The following GAB2 variants were observed in gnomAD, a reference collection of about 807,000 sequenced individuals.
GAB2 encodes the protein GRB2 associated binding protein 2.
GAB2 carries 26 observed loss-of-function variants against 65.5 expected under a neutral mutation model. The observed-to-expected ratio is 0.40, with a 90% confidence interval of 0.29 to 0.55. The LOEUF is 0.55. Ranked by LOEUF, GAB2 falls within the 20% of genes least tolerant of loss-of-function variation. The pLI is 0.53. For synonymous variants in GAB2, 321 were observed against 329.6 expected (o/e 0.97, Z 0.28); for missense variants, 884 against 875.8 (o/e 1.01, Z -0.12).
chr11:78,341,422 T>C (rs983758786), intron 1 of GAB2, among the ~76,000 whole-genome samples: 4 of 152,324 alleles, frequency 2.6e-5, no homozygotes, highest in East Asian at 1.9e-4. Flanking sequence ...TGAATAATCA[T>C]TGCCTTTAGA....
rs56709163 is a variant in GAB2, at chr11:78,322,298, C to CAAAAAAAAAAAA, written c.76-41409_76-41398dup. ...TGGCTGACAGAGGGAGACTCTGTCT[C>CAAAAAAAAAAAA]AAAAAAAAAAAAAAAAAAAAAAAAA... On this transcript the variant is annotated intron_variant, in intron 1 of 9. Transcript: ENST00000361507. 2.8e-3 allele frequency among the ~76,000 whole-genome samples: 34 copies of CAAAAAAAAAAAA among 12,076 alleles called. 5 individuals carry two copies. The highest frequency in any genetic ancestry group is 8.2e-3 in the Admixed American group (8 of 980). 7.9% of individuals were successfully genotyped at this position (12,076 alleles called of 152,430 possible). A position where few individuals can be genotyped will look rare whatever the true frequency, so the allele number is the denominator to read the frequency against.
chr11:78,307,604 T>TAGAGGGAGGGAGAGAGAGAG (rs372962811), intron 1 of GAB2, among the ~76,000 whole-genome samples: 1 of 121,884 alleles, frequency 8.2e-6, no homozygotes, highest in Non-Finnish European at 1.6e-5. Flanking sequence ...CAAAAAATGT[T>TAGAGGGAGGGAGAGAGAGAG]AGAGAGAGAG....
chr11:78,281,127 C>T (rs898659115), intron 1 of GAB2, among the ~76,000 whole-genome samples: 1 of 151,988 alleles, frequency 6.6e-6, no homozygotes, highest in African/African-American at 2.4e-5. Flanking sequence ...CTAATTAAAA[C>T]ATTTTTTTGT....
Position 78,226,557 on chromosome 11 carries a change from C to G in GAB2, c.1115G>C (p.Arg372Thr). The G allele has an allele frequency of 1.3e-6, 2 of 1,583,134 alleles. No homozygotes were observed. Among genetic ancestry groups the G allele is most frequent in the African/African-American group, 1.4e-5 (1 of 70,774 alleles). ...ETPRWGSPQQ[R>T]PPISENSRSV... ...TCTGCTATTTTCACTGATTGGCGGT[C>G]TCTGCTGAGGACTGCCCCATCGAGG... The change falls in exon 4 of 10, where the codon AGA (arginine) becomes ACA (threonine). Residue 372 changes from arginine to threonine, a missense_variant. Transcript: ENST00000361507.
At chr11:78,395,986 T>A (rs1379750371) in intron 1 of GAB2, among the ~76,000 whole-genome samples, 1 of 152,258 alleles carries the variant, frequency 6.6e-6, no homozygotes, top group Non-Finnish European at 1.5e-5. Flanking sequence ...TCAAGCATTA[T>A]CTTCTTAAAA....
At chr11:78,306,252 A>T (rs930022668) in intron 1 of GAB2, among the ~76,000 whole-genome samples, 11 of 152,106 alleles carry the variant, frequency 7.2e-5, no homozygotes, top group African/African-American at 2.7e-4. Context: ...TTTTTTTGAG[A>T]TGGAGTCTCA....
chr11:78,417,066 G>A (rs1313940854), intron 1 of GAB2, among the ~76,000 whole-genome samples: 2 of 152,200 alleles, frequency 1.3e-5, no homozygotes, highest in African/African-American at 4.8e-5. Context: ...AGGGAAAGAA[G>A]GGGGACAAAC....
Position 78,226,820 on chromosome 11 carries a change from G to A in GAB2, c.852C>T (p.Gly284=), listed in dbSNP as rs1254558594. The change falls in exon 4 of 10, where the codon GGC becomes GGT. Residue 284 remains glycine (G), a synonymous_variant. Transcript: ENST00000361507. ...ACACATCCTCATTATCTGTCTCGGA[G>A]CCTGTGAGGCTGCCCTTGGTGTGGC... ...SHGHTKGSLT[G]SETDNEDVYT... is the part of the protein sequence containing the mutation. The A allele has an allele frequency of 1.9e-6, 3 of 1,614,078 alleles. No individual in the cohort carries two copies. In the South Asian group the frequency reaches 3.3e-5, roughly 18 times the overall value.
chr11:78,399,345 G>A (rs1856941265), intron 1 of GAB2, among the ~76,000 whole-genome samples: 1 of 152,202 alleles, frequency 6.6e-6, no homozygotes. Flanking sequence ...GCTCCCTTTG[G>A]AGGATCCTGC....
At chr11:78,387,357 A>G (rs1856781137) in intron 1 of GAB2, among the ~76,000 whole-genome samples, 1 of 152,172 alleles carries the variant, frequency 6.6e-6, no homozygotes, top group Non-Finnish European at 1.5e-5. Flanking sequence ...TTTCTGAAAT[A>G]CGCATTTCTA....
At chr11:78,381,779 C>T (rs917810077) in intron 1 of GAB2, among the ~76,000 whole-genome samples, 6 of 152,122 alleles carry the variant, frequency 3.9e-5, no homozygotes, top group African/African-American at 1.4e-4. Flanking sequence ...CATATAGAGT[C>T]ACCATGAAAA....
intron 1 of GAB2, among the ~76,000 whole-genome samples, chr11:78,320,537 G>A (rs1300230427): frequency 2.0e-5 from 3 of 152,098 alleles, no homozygotes; most frequent in East Asian, 3.9e-4. Flanking sequence ...CACTCTGGCT[G>A]CTGTGTGAAA....
chr11:78,319,297 T>C (rs2134659399), intron 1 of GAB2, among the ~76,000 whole-genome samples: 1 of 152,390 alleles, frequency 6.6e-6, no homozygotes, highest in African/African-American at 2.4e-5. Flanking sequence ...TCTGAACTAT[T>C]TGTTAGTATT....
At chr11:78,335,111 GT>G (rs1384175243) in intron 1 of GAB2, among the ~76,000 whole-genome samples, 1 of 152,164 alleles carries the variant, frequency 6.6e-6, no homozygotes, top group African/African-American at 2.4e-5. Context: ...CTATAGAGTT[GT>G]TTGAACTCCT....
At chr11:78,394,750 T>TC (rs1161845808) in intron 1 of GAB2, among the ~76,000 whole-genome samples, 21 of 151,996 alleles carry the variant, frequency 1.4e-4, no homozygotes, top group African/African-American at 5.1e-4. Flanking sequence ...TCTTGCCAGT[T>TC]CCCCACCCAA....
intron 1 of GAB2, among the ~76,000 whole-genome samples, chr11:78,415,939 C>CTTTTTTTTT (rs1303081510): frequency 1.1e-4 from 14 of 128,998 alleles, no homozygotes; most frequent in African/African-American, 3.9e-4. Context: ...TTAAGGGTCA[C>CTTTTTTTTT]TTTTTTTTTT....
intron 1 of GAB2, among the ~76,000 whole-genome samples, chr11:78,336,299 C>CAGTGA (rs1298019462): frequency 7.7e-6 from 1 of 129,738 alleles, no homozygotes; most frequent in African/African-American, 2.9e-5. Context: ...CTCACTCCAG[C>CAGTGA]CCGGGCGACA....
intron 3 of GAB2, among the ~76,000 whole-genome samples, chr11:78,231,299 A>C (rs1170100186): frequency 6.6e-6 from 1 of 151,480 alleles, no homozygotes; most frequent in Non-Finnish European, 1.5e-5. Flanking sequence ...TATTGCCACC[A>C]TACAGTCTCT....
chr11:78,352,174 T>C (rs1281031608), intron 1 of GAB2, among the ~76,000 whole-genome samples: 2 of 152,086 alleles, frequency 1.3e-5, no homozygotes, highest in African/African-American at 2.4e-5. Context: ...GATGGCGCCA[T>C]TGCACTCCAG....
Sources: gnomAD v4.1 joint callset for allele counts (sites outside exome capture counted in the v4.1 genomes callset) on GRCh38, gnomAD v4.1.1 for gene constraint, MANE v1.5 for transcripts, NCBI Gene and HGNC (gene_info 2026-07-23, HGNC 2026-07-21) for gene names.